ZFHX3: variants seen among roughly 807,000 people sequenced by gnomAD.
ZFHX3 encodes zinc finger homeobox 3.
In ZFHX3, 42 loss-of-function variants were observed where a neutral mutation model predicts 279.1. The observed-to-expected ratio is 0.15, with a 90% CI of 0.12 to 0.19. The LOEUF (loss-of-function observed/expected upper bound fraction) is 0.19. Among genes scored for constraint, ZFHX3 ranks in the 10% least tolerant of loss-of-function variants. The probability of loss-of-function intolerance (pLI) is 1.00; values close to 1 mark genes in which losing one functional copy is unlikely to be tolerated. For missense variants in ZFHX3, 4,981 were observed against 4,754.0 expected (o/e 1.05, Z -1.40); for synonymous variants, 2,293 against 1,957.8 (o/e 1.17, Z -4.52).
chr16:73,759,161 A>G (rs2053839149), intron 1 of ZFHX3, among the ~76,000 whole-genome samples: 1 of 152,260 alleles, frequency 6.6e-6, no homozygotes, highest in Non-Finnish European at 1.5e-5. Flanking sequence ...TTTCTCTCTT[A>G]CATGAAAGTC....
chr16:73,768,769 C>T (rs2053983054), intron 1 of ZFHX3, among the ~76,000 whole-genome samples: 1 of 152,132 alleles, frequency 6.6e-6, no homozygotes, highest in Admixed American at 6.5e-5. Context: ...TTTACTGAGC[C>T]TGGATTTTAT....
At chr16:73,191,152 G>T (rs1776861154) in intron 5 of ZFHX3, among the ~76,000 whole-genome samples, 1 of 152,046 alleles carries the variant, frequency 6.6e-6, no homozygotes, top group South Asian at 2.1e-4. Flanking sequence ...GATTCTGTGG[G>T]CTTTCTATGC....
At position 72,988,505 on chromosome 16, in the gene ZFHX3, C is replaced by T. The variant is rs368495443; in HGVS notation, c.-49-28311G>A. 6.6e-5 allele frequency among the ~76,000 whole-genome samples: 10 copies of T among 152,236 alleles called. No individual in the cohort carries two copies. The East Asian group carries it at 1.3e-3, about 21-fold the overall frequency. On this transcript the variant is annotated intron_variant, in intron 1 of 9. Coordinates refer to ENST00000268489, the MANE Select transcript of ZFHX3 (RefSeq NM_006885.4). ...TCACTCCAGCCTTCCTCTGAGCTCA[C>T]ACCATATACAATCTTCCCTCTGCAC...
chr16:73,303,467 C>T (rs1472090241), intron 4 of ZFHX3, among the ~76,000 whole-genome samples: 1 of 152,136 alleles, frequency 6.6e-6, no homozygotes, highest in Non-Finnish European at 1.5e-5. Flanking sequence ...TTGACATGGA[C>T]ATTCCAAACA....
intron 4 of ZFHX3, among the ~76,000 whole-genome samples, chr16:73,316,937 G>T (rs2015462527): frequency 6.6e-6 from 1 of 152,136 alleles, no homozygotes; most frequent in South Asian, 2.1e-4. Flanking sequence ...CATGCTGTTG[G>T]CCCTTTTGTG....
chr16:73,669,073 A>AT (rs924310429), intron 2 of ZFHX3, among the ~76,000 whole-genome samples: 9 of 96,818 alleles, frequency 9.3e-5, no homozygotes, highest in African/African-American at 1.9e-4. Context: ...TCTATTTTCT[A>AT]TTTTTTTTTA....
intron 9 of ZFHX3, chr16:72,790,168 C>T (rs535819286): frequency 6.6e-6 from 1 of 152,520 alleles, no homozygotes; most frequent in South Asian, 2.1e-4. Flanking sequence ...GATGGTACTC[C>T]AAGCTTCAGG....
chr16:72,974,462 C>A (rs927272297), intron 1 of ZFHX3, among the ~76,000 whole-genome samples: 2 of 152,132 alleles, frequency 1.3e-5, no homozygotes, highest in African/African-American at 4.8e-5. Context: ...AGGAAGAAAA[C>A]CACTCGGTGG....
At chr16:73,456,754 C>T (rs956644734) in intron 2 of ZFHX3, among the ~76,000 whole-genome samples, 1 of 152,174 alleles carries the variant, frequency 6.6e-6, no homozygotes, top group Non-Finnish European at 1.5e-5. Flanking sequence ...CACCTTCTAT[C>T]GGGATGGAAA....
rs141957115 is a variant in ZFHX3 at position 73,101,650 on chromosome 16, C to T, written c.-896-8052G>A. ...CTCCTGACATCAAGTGATCCGCTCACGTCACCCTCCCATAGTGCTGGGATT... is the reference window on the plus strand; with the variant it reads ...CTCCTGACATCAAGTGATCCGCTCATGTCACCCTCCCATAGTGCTGGGATT... On this transcript the variant is annotated intron_variant, in intron 7 of 17. Coordinates refer to the ZFHX3 transcript ENST00000641206. Among the ~76,000 whole-genome samples, 451 of 152,180 alleles carry T rather than the reference C, an allele frequency of 3.0e-3. 6 individuals are homozygous for T. Among genetic ancestry groups the T allele is most frequent in the Admixed American group, 5.4e-3 (83 of 15,270 alleles).
At chr16:73,027,176 A>ATTC (rs1964540827) in intron 1 of ZFHX3, among the ~76,000 whole-genome samples, 2 of 152,252 alleles carry the variant, frequency 1.3e-5, no homozygotes, top group Non-Finnish European at 2.9e-5. Flanking sequence ...TGTAAAAGCC[A>ATTC]TTCTTGGTTG....
intron 1 of ZFHX3, among the ~76,000 whole-genome samples, chr16:73,800,305 C>T (rs1960107444): frequency 6.6e-6 from 1 of 151,996 alleles, no homozygotes; most frequent in African/African-American, 2.4e-5. Flanking sequence ...GAAACTTCCA[C>T]CTCCCAGGTT....
chr16:72,877,750 G>A (rs746386995), intron 4 of ZFHX3, among the ~76,000 whole-genome samples: 5 of 152,198 alleles, frequency 3.3e-5, no homozygotes, highest in Non-Finnish European at 7.3e-5. Context: ...AAGCACGTGC[G>A]TGGATTCTTC....
At chr16:72,854,142 T>C (rs549315588) in intron 4 of ZFHX3, among the ~76,000 whole-genome samples, 3 of 152,326 alleles carry the variant, frequency 2.0e-5, no homozygotes, top group South Asian at 2.1e-4. Flanking sequence ...TTCATGCTGA[T>C]TGCTCTAAGC....
chr16:72,974,823 A>T (rs1298906341), intron 1 of ZFHX3, among the ~76,000 whole-genome samples: 2 of 151,988 alleles, frequency 1.3e-5, no homozygotes, highest in Non-Finnish European at 2.9e-5. Context: ...CCCTCGAGAG[A>T]CCCCTTTGGG....
chr16:72,830,567 A>T (rs969302146), intron 4 of ZFHX3, among the ~76,000 whole-genome samples: 6 of 152,232 alleles, frequency 3.9e-5, no homozygotes, highest in African/African-American at 1.4e-4. Flanking sequence ...TTCACTCACT[A>T]CGGGTTTAAA....
At chr16:73,101,948 C>T (rs1286115514) in intron 7 of ZFHX3, among the ~76,000 whole-genome samples, 1 of 132,200 alleles carries the variant, frequency 7.6e-6, no homozygotes, top group Non-Finnish European at 1.5e-5. Flanking sequence ...GGATCTCATT[C>T]TGTCACCCAG....
Position 72,959,687 on chromosome 16 carries a change from G to C in ZFHX3, c.459C>G (p.Gly153=), listed in dbSNP as rs760184151. The change falls in exon 2 of 10, where the codon GGC becomes GGG. Residue 153 remains glycine (G), a synonymous_variant. Transcript: ENST00000268489. The part of the protein sequence containing the change: ...IVESLSQLTQ[G]GGACGSGSGS... ...CACTGCCACTCCCACAGGCGCCCCC[G>C]CCCTGGGTCAGCTGGCTCAGGCTCT... 6.8e-6 allele frequency: 11 copies of C among 1,613,826 alleles called. No homozygotes were observed. The African/African-American group carries it at 1.3e-4, about 20-fold the overall frequency.
chr16:73,779,566 C>T (rs953495021), intron 1 of ZFHX3, among the ~76,000 whole-genome samples: 12 of 152,108 alleles, frequency 7.9e-5, no homozygotes, highest in African/African-American at 2.7e-4. Context: ...ATTTAAGACC[C>T]ACAAAGATAG....
Sources: allele counts gnomAD v4.1 joint callset (sites outside exome capture counted in the v4.1 genomes callset), GRCh38; gene constraint gnomAD v4.1.1; transcripts MANE v1.5; gene names NCBI Gene and HGNC (gene_info 2026-07-23, HGNC 2026-07-21).